HS6ST3: variants seen among roughly 807,000 people sequenced by gnomAD.
The protein encoded by HS6ST3 is heparan sulfate 6-O-sulfotransferase 3.
In HS6ST3, 12 loss-of-function variants were observed where a neutral mutation model predicts 36.7. The ratio of observed to expected loss-of-function variants is 0.33; its 90% CI spans 0.21 to 0.53. The LOEUF (loss-of-function observed/expected upper bound fraction) is 0.53, where lower values mean the gene tolerates loss of function less well. HS6ST3 is among the 20% of genes least tolerant of loss of function. The pLI, the probability that HS6ST3 is intolerant of heterozygous loss-of-function variation, is 0.95. For missense variants in HS6ST3, 584 were observed against 640.9 expected (o/e 0.91, Z 0.96); for synonymous variants, 240 against 257.5 (o/e 0.93, Z 0.65).
At chr13:96,830,445 G>A (rs770908202) in intron 1 of HS6ST3, among the ~76,000 whole-genome samples, 3 of 152,186 alleles carry the variant, frequency 2.0e-5, no homozygotes, top group Non-Finnish European at 4.4e-5. Flanking sequence ...TGACAATGCA[G>A]TGGTAATCAA....
At position 96,392,795 on chromosome 13, in the gene HS6ST3, A is replaced by G. The variant is rs191782331; in HGVS notation, c.707+301226A>G. Among the ~76,000 whole-genome samples, 557 of 152,342 alleles carry G rather than the reference A, an allele frequency of 3.7e-3. 1 individual carries two copies. The highest frequency in any genetic ancestry group is 6.7e-3 in the Non-Finnish European group (455 of 68,024). On this transcript the variant is annotated intron_variant, in intron 1 of 1. Coordinates refer to ENST00000376705, the MANE Select transcript of HS6ST3 (RefSeq NM_153456.4). Reference sequence around the variant, plus strand: ...GAGGAAGCAGACCCCTCAGGGCCTCAAAGGCCATGTTGGTGGTTTGATCAA... The same window carrying G: ...GAGGAAGCAGACCCCTCAGGGCCTCGAAGGCCATGTTGGTGGTTTGATCAA...
At chr13:96,423,790 G>T (rs889236293) in intron 1 of HS6ST3, among the ~76,000 whole-genome samples, 3 of 152,052 alleles carry the variant, frequency 2.0e-5, no homozygotes, top group African/African-American at 7.2e-5. Flanking sequence ...GATCAGTCTG[G>T]ATACTGTGTC....
intron 1 of HS6ST3, among the ~76,000 whole-genome samples, chr13:96,702,081 G>T (rs891001772): frequency 6.6e-6 from 1 of 152,220 alleles, no homozygotes; most frequent in African/African-American, 2.4e-5. Context: ...GATGGGCTGA[G>T]AGATGATGTG....
At chr13:96,780,468 C>T (rs1877499145) in intron 1 of HS6ST3, among the ~76,000 whole-genome samples, 1 of 152,206 alleles carries the variant, frequency 6.6e-6, no homozygotes, top group Admixed American at 6.5e-5. Context: ...TAACATTTTC[C>T]CTATTTCCTC....
chr13:96,349,089 C>T (rs573786044), intron 1 of HS6ST3, among the ~76,000 whole-genome samples: 1 of 152,048 alleles, frequency 6.6e-6, no homozygotes, highest in Non-Finnish European at 1.5e-5. Context: ...ATTTGTAAAC[C>T]TCAATGAAAG....
chr13:96,613,213 A>G (rs577944048), intron 1 of HS6ST3, among the ~76,000 whole-genome samples: 2 of 152,330 alleles, frequency 1.3e-5, no homozygotes, highest in African/African-American at 4.8e-5. Context: ...TTTATTTATC[A>G]GATATTATCT....
chr13:96,660,269 C>T (rs2056641825), intron 1 of HS6ST3, among the ~76,000 whole-genome samples: 1 of 152,030 alleles, frequency 6.6e-6, no homozygotes, highest in Admixed American at 6.6e-5. Context: ...TAACACCTGC[C>T]TCCCAGGATT....
intron 1 of HS6ST3, among the ~76,000 whole-genome samples, chr13:96,189,402 A>G (rs772547642): frequency 4.6e-5 from 7 of 152,054 alleles, no homozygotes; most frequent in Non-Finnish European, 8.8e-5. Flanking sequence ...TTTCAGTTGG[A>G]CACTTGTCAC....
intron 1 of HS6ST3, among the ~76,000 whole-genome samples, chr13:96,450,823 A>T (rs1480442761): frequency 6.6e-6 from 1 of 152,224 alleles, no homozygotes. Context: ...CCTCTGCTAA[A>T]GAGGTGAAAT....
intron 1 of HS6ST3, among the ~76,000 whole-genome samples, chr13:96,605,769 G>A (rs1000817672): frequency 1.3e-5 from 2 of 151,508 alleles, no homozygotes; most frequent in African/African-American, 4.9e-5. Flanking sequence ...CTTGTTTACA[G>A]CAAAGGAAAC....
chr13:96,499,547 A>G (rs2055993877), intron 1 of HS6ST3, among the ~76,000 whole-genome samples: 1 of 152,160 alleles, frequency 6.6e-6, no homozygotes, highest in Non-Finnish European at 1.5e-5. Context: ...TGGGGAGATA[A>G]GGACAGCTGT....
chr13:96,414,071 A>G (rs1226090254), intron 1 of HS6ST3, among the ~76,000 whole-genome samples: 2 of 152,240 alleles, frequency 1.3e-5, no homozygotes, highest in African/African-American at 4.8e-5. Flanking sequence ...GTGTTCTTTT[A>G]AACCTACATG....
At chr13:96,281,296 G>A (rs372745333) in intron 1 of HS6ST3, among the ~76,000 whole-genome samples, 11 of 152,246 alleles carry the variant, frequency 7.2e-5, no homozygotes, top group South Asian at 2.1e-4. Context: ...GAGCCACCGC[G>A]CCTAGCCCAG....
At chr13:96,446,892 T>C (rs775929917) in intron 1 of HS6ST3, among the ~76,000 whole-genome samples, 1 of 152,204 alleles carries the variant, frequency 6.6e-6, no homozygotes, top group East Asian at 1.9e-4. Flanking sequence ...AGTGAGACTA[T>C]TATCTACTTC....
chr13:96,116,707 A>C (rs1288099540), intron 1 of HS6ST3, among the ~76,000 whole-genome samples: 1 of 152,238 alleles, frequency 6.6e-6, no homozygotes, highest in African/African-American at 2.4e-5. Context: ...GATAAATTGC[A>C]GTAAATTTCC....
chr13:96,832,992 G>T lies in HS6ST3; in HGVS notation c.1210G>T (p.Asp404Tyr). 1.2e-6 allele frequency: 2 copies of T among 1,614,080 alleles called. No individual in the cohort carries two copies. The highest frequency in any genetic ancestry group is 8.5e-7 in the Non-Finnish European group (1 of 1,180,006). ...ACGCATTGAGGATCTAAACTTCCTG[G>T]ACATGCAGCTTTACGAGTATGCAAA... ...RQRIEDLNFL[D>Y]MQLYEYAKDL... is the part of the protein sequence containing the mutation. The change falls in exon 2 of 2, where the codon GAC becomes TAC. Residue 404 changes from aspartate to tyrosine, a missense_variant. Around this residue, in one of 3 missense-constraint regions of HS6ST3, gnomAD observed 360 missense variants for 411.3 expected, o/e 0.88. Coordinates refer to ENST00000376705, the MANE Select transcript of HS6ST3 (RefSeq NM_153456.4).
At chr13:96,158,596 T>G (rs2054121118) in intron 1 of HS6ST3, among the ~76,000 whole-genome samples, 1 of 130,064 alleles carries the variant, frequency 7.7e-6, no homozygotes, top group Admixed American at 1.0e-4. Context: ...GAGATTGCAG[T>G]GAGCCATGAT....
At chr13:96,760,610 C>A (rs1436997226) in intron 1 of HS6ST3, among the ~76,000 whole-genome samples, 1 of 152,030 alleles carries the variant, frequency 6.6e-6, no homozygotes, top group Non-Finnish European at 1.5e-5. Flanking sequence ...ACTGTAGTAC[C>A]AAGAAGTATT....
intron 1 of HS6ST3, among the ~76,000 whole-genome samples, chr13:96,389,414 G>A (rs1282790751): frequency 3.3e-5 from 5 of 151,996 alleles, no homozygotes. Context: ...AAACCTCATA[G>A]GTTGGAAATA....
Sources: gnomAD v4.1 joint callset for allele counts (sites outside exome capture counted in the v4.1 genomes callset) on GRCh38, gnomAD v4.1.1 for gene constraint, gnomAD v4.1.1 regional missense constraint, MANE v1.5 for transcripts, NCBI Gene and HGNC (gene_info 2026-07-23, HGNC 2026-07-21) for gene names.